ZDHHC14: variants seen among roughly 807,000 people sequenced by gnomAD.
ZDHHC14 encodes the protein zDHHC palmitoyltransferase 14.
ZDHHC14 carries 16 observed loss-of-function variants against 47.7 expected under a neutral mutation model. The observed-to-expected ratio is 0.34, with a 90% CI of 0.23 to 0.51. The LOEUF is 0.51. Ranked by LOEUF, ZDHHC14 falls within the 20% of genes least tolerant of loss-of-function variation. ZDHHC14 has a pLI of 0.97. For missense variants in ZDHHC14, 515 were observed against 662.5 expected (o/e 0.78, Z 2.44); for synonymous variants, 293 against 278.9 (o/e 1.05, Z -0.50).
intron 1 of ZDHHC14, among the ~76,000 whole-genome samples, chr6:157,515,700 C>A (rs1179696319): frequency 6.6e-6 from 1 of 151,836 alleles, no homozygotes; most frequent in Admixed American, 6.6e-5. Context: ...CTCCTGACCT[C>A]GTGATCCGCC....
intron 2 of ZDHHC14, among the ~76,000 whole-genome samples, chr6:157,574,208 AG>A (rs932563929): frequency 3.3e-5 from 5 of 151,582 alleles, no homozygotes; most frequent in Non-Finnish European, 7.4e-5. Context: ...GGATCACTTG[AG>A]GTCAGGAGTT....
rs1351882437 is a variant in ZDHHC14, at chr6:157,502,104, A to T, written c.246-40481A>T. Among the ~76,000 whole-genome samples, 1 of 152,194 alleles carries T rather than the reference A, an allele frequency of 6.6e-6. No individual in the cohort carries two copies. Among genetic ancestry groups the T allele is most frequent in the African/African-American group, 2.4e-5 (1 of 41,450 alleles). On this transcript the variant is annotated intron_variant, in intron 1 of 8. Transcript: ENST00000359775. This position sits in a 1 kb window ranked among gnomAD's most constrained non-coding sequence, Gnocchi z 4.0. ...TTCTTCTTGCTGCAATTGAGAAGTT[A>T]ATTGAATCTCAGAGACAGTAGATGT...
chr6:157,571,205 A>G (rs1225246665), intron 2 of ZDHHC14, among the ~76,000 whole-genome samples: 2 of 152,244 alleles, frequency 1.3e-5, no homozygotes, highest in Non-Finnish European at 2.9e-5. Context: ...TCATGAGAGC[A>G]TGCCTATGTG....
chr6:157,444,132 A>G (rs1461033020), intron 1 of ZDHHC14, among the ~76,000 whole-genome samples: 2 of 152,252 alleles, frequency 1.3e-5, no homozygotes, highest in Admixed American at 6.5e-5. Context: ...GATAGAGCTA[A>G]CAATCTTAAT....
At chr6:157,396,332 A>G (rs1777522194) in intron 1 of ZDHHC14, among the ~76,000 whole-genome samples, 1 of 152,150 alleles carries the variant, frequency 6.6e-6, no homozygotes, top group Non-Finnish European at 1.5e-5. Flanking sequence ...TGAGCCTCAG[A>G]TTTATATAAT....
intron 1 of ZDHHC14, among the ~76,000 whole-genome samples, chr6:157,506,427 G>A (rs1193611986): frequency 1.3e-5 from 2 of 152,224 alleles, no homozygotes; most frequent in African/African-American, 4.8e-5. Context: ...AGAGCCCTCT[G>A]CAAGGTCAGC....
Position 157,382,095 on chromosome 6 carries a change from T to C in ZDHHC14, c.74T>C (p.Met25Thr). The C allele has an allele frequency of 6.2e-7, 1 of 1,611,398 alleles. No homozygotes were observed. Among genetic ancestry groups the C allele is most frequent in the Non-Finnish European group, 8.5e-7 (1 of 1,178,930 alleles). The change falls in exon 1 of 9, where the codon ATG becomes ACG. Residue 25 changes from methionine (M) to threonine (T), a missense_variant. Around this residue, in one of 4 missense-constraint regions of ZDHHC14, gnomAD observed 59 missense variants for 57.7 expected, o/e 1.02. Transcript: ENST00000359775. The stretch of plus-strand genomic sequence containing the variant: ...ATCAGCACCCACAGCTCCTCCCCCA[T>C]GGAGTCGCCCCACAAGAAGAAGAAA... Reference protein sequence around the residue: ...SQISTHSSSPMESPHKKKKIA... With the variant: ...SQISTHSSSPTESPHKKKKIA...
intron 3 of ZDHHC14, among the ~76,000 whole-genome samples, chr6:157,604,644 A>T (rs1180707797): frequency 6.6e-6 from 1 of 152,092 alleles, no homozygotes; most frequent in Non-Finnish European, 1.5e-5. Flanking sequence ...CCCGGGTTCA[A>T]GCAATTCTCC....
At chr6:157,642,083 A>C (rs1777285035) in intron 5 of ZDHHC14, among the ~76,000 whole-genome samples, 2 of 151,180 alleles carry the variant, frequency 1.3e-5, no homozygotes. Context: ...TCATGTTGGA[A>C]ATTAGAACTA....
chr6:157,418,962 G>A (rs754492928), intron 1 of ZDHHC14, among the ~76,000 whole-genome samples: 4 of 152,214 alleles, frequency 2.6e-5, no homozygotes, highest in Non-Finnish European at 4.4e-5. Flanking sequence ...TGTACTGGAC[G>A]ATTGCACTAT....
rs62423951 is a variant in ZDHHC14, at chr6:157,497,748, C to T, written c.246-44837C>T. ...ATTAGTTCTGGCTTTCAACCCAACA[C>T]GCTCATTTTCACCAGATGAGGAGCC... On this transcript the variant is annotated intron_variant, in intron 1 of 8. Coordinates refer to ENST00000359775, the MANE Select transcript of ZDHHC14 (RefSeq NM_024630.3). 1.0e-2 allele frequency among the ~76,000 whole-genome samples: 1,523 copies of T among 152,306 alleles called. 9 individuals are homozygous for T. Among genetic ancestry groups the T allele is most frequent in the Non-Finnish European group, 0.017 (1,181 of 68,022 alleles).
At chr6:157,579,440 G>A (rs146478173) in intron 2 of ZDHHC14, among the ~76,000 whole-genome samples, 2,555 of 151,852 alleles carry the variant, frequency 0.017, 30 homozygotes, top group South Asian at 0.033. Flanking sequence ...CTCGTGATCC[G>A]CCCACCTCAG....
At chr6:157,440,582 A>G (rs1778542646) in intron 1 of ZDHHC14, among the ~76,000 whole-genome samples, 1 of 152,226 alleles carries the variant, frequency 6.6e-6, no homozygotes. Context: ...ATTGAATACA[A>G]ATACTGAAAA....
chr6:157,583,395 T>C (rs1783580990), intron 2 of ZDHHC14, among the ~76,000 whole-genome samples: 1 of 152,204 alleles, frequency 6.6e-6, no homozygotes, highest in Non-Finnish European at 1.5e-5. Context: ...TAGACTTTTC[T>C]GGATGTTTTC....
At chr6:157,621,416 G>A (rs1011939497) in intron 3 of ZDHHC14, among the ~76,000 whole-genome samples, 4 of 152,216 alleles carry the variant, frequency 2.6e-5, no homozygotes, top group Admixed American at 1.3e-4. Flanking sequence ...ATTTAAATGT[G>A]ATTAACATTT....
At chr6:157,571,962 A>T (rs1276453947) in intron 2 of ZDHHC14, among the ~76,000 whole-genome samples, 1 of 151,910 alleles carries the variant, frequency 6.6e-6, no homozygotes, top group Non-Finnish European at 1.5e-5. Context: ...TCCAAATCCA[A>T]ATTCAGGGTG....
At chr6:157,590,339 G>C (rs1015438533) in intron 2 of ZDHHC14, among the ~76,000 whole-genome samples, 13 of 152,182 alleles carry the variant, frequency 8.5e-5, no homozygotes, top group Admixed American at 6.5e-5. Flanking sequence ...CAGGCCCAGA[G>C]GTCTAGGAGG....
At chr6:157,543,272 C>A (rs1781841999) in intron 2 of ZDHHC14, among the ~76,000 whole-genome samples, 3 of 152,042 alleles carry the variant, frequency 2.0e-5, no homozygotes, top group African/African-American at 7.2e-5. Flanking sequence ...ATATTAAAAC[C>A]TATACTAAAG....
chr6:157,452,690 A>ATTTTTTTTTTTTTTT (rs747862336), intron 1 of ZDHHC14, among the ~76,000 whole-genome samples: 1 of 72,960 alleles, frequency 1.4e-5, no homozygotes. Context: ...ATACATGGGG[A>ATTTTTTTTTTTTTTT]TTTTTTTTTT....
Sources: gnomAD v4.1 joint callset for allele counts (sites outside exome capture counted in the v4.1 genomes callset) on GRCh38, gnomAD v4.1.1 for gene constraint, gnomAD v4.1.1 regional missense constraint, Gnocchi (gnomAD v3.1) non-coding constraint, MANE v1.5 for transcripts, NCBI Gene and HGNC (gene_info 2026-07-23, HGNC 2026-07-21) for gene names.